Variants in SURF4 observed in about 807,000 individuals in gnomAD.
SURF4 encodes the protein surfeit locus protein 4.
In SURF4, 3 loss-of-function variants were observed where a neutral mutation model predicts 30.0. The ratio of observed to expected loss-of-function variants is 0.10; its 90% CI spans 0.05 to 0.26. The LOEUF (loss-of-function observed/expected upper bound fraction) is 0.26, where lower values mean the gene tolerates loss of function less well. SURF4 is among the 10% of genes least tolerant of loss of function. SURF4 has a pLI of 1.00. For missense variants in SURF4, 217 were observed against 350.8 expected, an observed-to-expected ratio of 0.62 and a Z score of 3.05; for synonymous variants, 143 against 139.9, an observed-to-expected ratio of 1.02 and a Z score of -0.16.
chr9:133,366,511 G>A lies in SURF4; in HGVS notation c.312+88C>T, dbSNP rs2130126755. ...AGACATGCAGGGGGCTGAAGGGGGA[G>A]TGACACTGAACCCTCAAGGATGTCT... On this transcript the variant is annotated intron_variant, in intron 3 of 5. Coordinates refer to ENST00000371989, the MANE Select transcript of SURF4 (RefSeq NM_033161.4). 83 of 1,416,270 alleles carry A rather than the reference G, an allele frequency of 5.9e-5. No homozygotes were observed. In the Middle Eastern group the frequency reaches 9.0e-4, roughly 15 times the overall value. The allele number at this position is 1,416,270 out of a possible 1,614,324, so 87.7% of individuals were successfully genotyped here.
intron 1 of SURF4, among the ~76,000 whole-genome samples, chr9:133,369,085 C>T (rs2130166368): frequency 2.6e-5 from 4 of 152,238 alleles, no homozygotes; most frequent in Non-Finnish European, 5.9e-5. Flanking sequence ...GTTCAGGTCA[C>T]CCTCCAGCCT....
chr9:133,364,469 T>C (rs932872399), intron 5 of SURF4, among the ~76,000 whole-genome samples: 3 of 152,096 alleles, frequency 2.0e-5, no homozygotes, highest in Non-Finnish European at 4.4e-5. Flanking sequence ...GACAGGCAGA[T>C]CACGAGGGGT....
intron 1 of SURF4, among the ~76,000 whole-genome samples, chr9:133,373,640 G>A (rs1332882105): frequency 6.6e-6 from 1 of 151,936 alleles, no homozygotes; most frequent in East Asian, 1.9e-4. Flanking sequence ...AGAAAAGGCA[G>A]GGCAGGGTGG....
At chr9:133,369,211 G>T (rs1588714631) in intron 1 of SURF4, among the ~76,000 whole-genome samples, 1 of 152,200 alleles carries the variant, frequency 6.6e-6, no homozygotes, top group African/African-American at 2.4e-5. Flanking sequence ...GCGCCCTGCA[G>T]TGTCAGTTCT....
chr9:133,374,554 A>G lies in SURF4; in HGVS notation c.48+1368T>C, dbSNP rs2130225439. 2.0e-5 allele frequency among the ~76,000 whole-genome samples: 3 copies of G among 152,220 alleles called. No individual in the cohort carries two copies. In the South Asian group the frequency reaches 6.2e-4, roughly 32 times the overall value. On this transcript the variant is annotated intron_variant, in intron 1 of 5. Coordinates refer to ENST00000371989, the MANE Select transcript of SURF4 (RefSeq NM_033161.4). ...CCAGCCTGGGCAACAAGGTCAAAACACCATCTCAAAGAAAAAATAAATAAA... is the reference window on the plus strand; with the variant it reads ...CCAGCCTGGGCAACAAGGTCAAAACGCCATCTCAAAGAAAAAATAAATAAA...
chr9:133,370,769 TA>T (rs1416059736), intron 1 of SURF4: 3 of 862,696 alleles, frequency 3.5e-6, no homozygotes, highest in Admixed American at 2.3e-5. Context: ...GGCGAGCACA[TA>T]AAACTTGTGA....
At chr9:133,368,790 A>G (rs2130163128) in intron 1 of SURF4, among the ~76,000 whole-genome samples, 4 of 152,122 alleles carry the variant, frequency 2.6e-5, no homozygotes, top group Non-Finnish European at 5.9e-5. Flanking sequence ...CAAAACTGAG[A>G]TATAAAGTGA....
chr9:133,367,417 G>C lies in SURF4; in HGVS notation c.77C>G (p.Pro26Arg), dbSNP rs2130141930. ...GATCAGACAGAGGCGCGCCACGTGG[G>C]GCAGGTACTGCTTTGTGACACGGAG... is the stretch of plus-strand genomic sequence containing the variant. ...QFLRVTKQYL[P>R]HVARLCLIST... The change falls in exon 2 of 6, where the codon CCC becomes CGC. Residue 26 changes from proline (P) to arginine (R), a missense_variant. Pro to Arg is a moderately radical substitution (Grantham distance 103, BLOSUM62 -2). Transcript: ENST00000371989. 3 of 1,614,020 alleles carry C rather than the reference G, an allele frequency of 1.9e-6. No homozygotes were observed. Among genetic ancestry groups the C allele is most frequent in the Admixed American group, 3.3e-5 (2 of 60,034 alleles).
chr9:133,376,557 C>T (rs2130249327), upstream of SURF4: 2 of 1,594,876 alleles, frequency 1.3e-6, no homozygotes, highest in South Asian at 1.1e-5. Context: ...TGGAGAAGTA[C>T]CAGGTGCCGA....
At chr9:133,366,452 T>A (rs1165987477) in intron 3 of SURF4, 147 bp downstream of exon 3, 4 of 855,540 alleles carry the variant, frequency 4.7e-6, no homozygotes, top group Non-Finnish European at 7.3e-6. Flanking sequence ...GGCTCACGAC[T>A]TCCCCAGAAG....
chr9:133,372,953 T>C (rs1837590258), intron 1 of SURF4, among the ~76,000 whole-genome samples: 1 of 152,222 alleles, frequency 6.6e-6, no homozygotes, highest in African/African-American at 2.4e-5. Flanking sequence ...CCCACAGCCA[T>C]GCTCTGCCAC....
At chr9:133,369,741 C>T (rs2130172524) in intron 1 of SURF4, among the ~76,000 whole-genome samples, 2 of 152,348 alleles carry the variant, frequency 1.3e-5, no homozygotes, top group South Asian at 2.1e-4. Context: ...AGAAAGCACA[C>T]CACCGTGGCA....
chr9:133,364,257 G>A (rs1180913234), intron 5 of SURF4, among the ~76,000 whole-genome samples: 1 of 152,206 alleles, frequency 6.6e-6, no homozygotes. Flanking sequence ...AGAAGAGTAA[G>A]GGGAGCCCGG....
At chr9:133,377,330 G>A (rs2130253518), upstream of SURF4, among the ~76,000 whole-genome samples, 1 of 152,198 alleles carries the variant, frequency 6.6e-6, no homozygotes, top group East Asian at 1.9e-4. Flanking sequence ...AAGCTTGAAC[G>A]CTCTCACACC....
chr9:133,365,239 CAG>C (rs1206461470), intron 4 of SURF4, among the ~76,000 whole-genome samples: 2 of 152,122 alleles, frequency 1.3e-5, no homozygotes, highest in African/African-American at 2.4e-5. Flanking sequence ...GCTCAGGAGA[CAG>C]AGGTATCTTT....
rs2130094309 is a variant in SURF4, at chr9:133,363,842, G to A, written c.544-83C>T. On this transcript the variant is annotated intron_variant, in intron 5 of 5. Coordinates refer to ENST00000371989, the MANE Select transcript of SURF4 (RefSeq NM_033161.4). This position sits in a 1 kb window ranked among gnomAD's most constrained non-coding sequence, Gnocchi z 4.3. ...TAAACAAAAGTTCCAGCTGCTGCAC[G>A]TCATGAAGTCTCTATCCATCAGGCT... 132 of 1,527,148 alleles carry A rather than the reference G, an allele frequency of 8.6e-5. No homozygotes were observed. Among genetic ancestry groups the A allele is most frequent in the Non-Finnish European group, 1.1e-4 (123 of 1,109,276 alleles). 94.6% of individuals were successfully genotyped at this position (1,527,148 alleles called of 1,614,324 possible). A position where few individuals can be genotyped will look rare whatever the true frequency, so the allele number is the denominator to read the frequency against.
chr9:133,365,495 G>T (rs1308568972), intron 4 of SURF4, among the ~76,000 whole-genome samples: 1 of 152,138 alleles, frequency 6.6e-6, no homozygotes, highest in African/African-American at 2.4e-5. Flanking sequence ...CAATCTTTTG[G>T]CTTCCCTGGG....
At position 133,363,110 on chromosome 9, in the gene SURF4, G is replaced by C. The variant is rs992190339; in HGVS notation, c.*383C>G. 2 of 415,436 alleles carry C rather than the reference G, an allele frequency of 4.8e-6. No individual in the cohort carries two copies. Among genetic ancestry groups the C allele is most frequent in the African/African-American group, 4.0e-5 (2 of 49,664 alleles). The allele number at this position is 415,436 out of a possible 1,614,324, so 25.7% of individuals were successfully genotyped here. On this transcript the variant is annotated 3_prime_UTR_variant, in exon 6 of 6. Coordinates refer to ENST00000371989, the MANE Select transcript of SURF4 (RefSeq NM_033161.4). The surrounding 1 kb of genome is among the most constrained non-coding windows in gnomAD (Gnocchi z 4.3). ...AATGTAAACTTACAAATAAGAGGGAGACTGCTTTGAATGATAATACCAATG... is the reference window on the plus strand; with the variant it reads ...AATGTAAACTTACAAATAAGAGGGACACTGCTTTGAATGATAATACCAATG...
intron 1 of SURF4, among the ~76,000 whole-genome samples, chr9:133,373,041 T>C (rs886154736): frequency 6.6e-6 from 1 of 152,204 alleles, no homozygotes; most frequent in African/African-American, 2.4e-5. Context: ...CTTACAGATA[T>C]GGTCCTAACC....
Sources: allele counts gnomAD v4.1 joint callset (sites outside exome capture counted in the v4.1 genomes callset), GRCh38; gene constraint gnomAD v4.1.1; non-coding constraint Gnocchi (gnomAD v3.1); transcripts MANE v1.5; gene names NCBI Gene and HGNC (gene_info 2026-07-23, HGNC 2026-07-21).